Variants in ZNF407 observed in about 807,000 individuals in gnomAD.
ZNF407 encodes zinc finger protein 407.
Under a neutral mutation model 131.2 loss-of-function variants are expected in ZNF407, and 17 were observed. The ratio of observed to expected loss-of-function variants is 0.13; its 90% CI spans 0.09 to 0.19. The LOEUF (loss-of-function observed/expected upper bound fraction) is 0.19. Ranked by LOEUF, ZNF407 falls within the 10% of genes least tolerant of loss-of-function variation. The probability of loss-of-function intolerance (pLI) is 1.00; values close to 1 mark genes in which losing one functional copy is unlikely to be tolerated. For missense variants in ZNF407, 2,681 were observed against 2,830.6 expected (o/e 0.95, Z 1.20); for synonymous variants, 1,156 against 1,062.0 (o/e 1.09, Z -1.72).
chr18:74,632,754 A>C lies in ZNF407; in HGVS notation c.1735A>C (p.Asn579His), dbSNP rs777421915. ...RRDLDEHLHSNQHQQTASVLS... is the reference protein window; with the variant it reads ...RRDLDEHLHSHQHQQTASVLS... ...GGACTTAGATGAACATTTGCACAGT[A>C]ACCAGCATCAGCAAACTGCTTCTGT... Residue 579 changes from asparagine (N) to histidine (H), a missense_variant, in exon 2 of 9, where the codon AAC (asparagine) becomes CAC (histidine). By Grantham distance (68) the Asn-to-His change is moderately conservative. Transcript: ENST00000299687. 6 of 1,613,960 alleles carry C rather than the reference A, an allele frequency of 3.7e-6. No homozygotes were observed. The highest frequency in any genetic ancestry group is 5.1e-6 in the Non-Finnish European group (6 of 1,179,904).
chr18:75,019,314 C>T (rs772289759), intron 8 of ZNF407, among the ~76,000 whole-genome samples: 62 of 151,978 alleles, frequency 4.1e-4, no homozygotes, highest in African/African-American at 8.9e-4. Context: ...CAGCCAGGGA[C>T]GAGAAAGTGA....
At chr18:74,859,513 T>C (rs1970907678) in intron 4 of ZNF407, among the ~76,000 whole-genome samples, 1 of 152,190 alleles carries the variant, frequency 6.6e-6, no homozygotes, top group African/African-American at 2.4e-5. Context: ...TTTCATAAAA[T>C]CATTAATTTA....
chr18:74,715,888 C>T (rs750930922), intron 3 of ZNF407, among the ~76,000 whole-genome samples: 2 of 152,166 alleles, frequency 1.3e-5, no homozygotes, highest in Non-Finnish European at 2.9e-5. Context: ...TTTACATTTT[C>T]GTAATCCTGT....
In ZNF407 at chr18:74,641,067, A is replaced by C; in HGVS notation, c.4747A>C (p.Arg1583=). The stretch of plus-strand genomic sequence containing the variant: ...TGCAACAGCTCAGCTTGGAGATGCC[A>C]GAAACCATGTGAAAAGGCACCTTGG... ...HFATAQLGDA[R]NHVKRHLGMR... Residue 1583 remains arginine (R), a synonymous_variant, in exon 3 of 9, where the codon AGA becomes CGA. Coordinates refer to ENST00000299687, the MANE Select transcript of ZNF407 (RefSeq NM_017757.3). 6.2e-7 allele frequency: 1 copy of C among 1,613,468 alleles called. No homozygotes were observed. Among genetic ancestry groups the C allele is most frequent in the Non-Finnish European group, 8.5e-7 (1 of 1,179,480 alleles).
In ZNF407 at chr18:74,679,865, T is replaced by A. The variant is rs553553315; in HGVS notation, c.4802+38743T>A. Among the ~76,000 whole-genome samples, 63 of 152,368 alleles carry A rather than the reference T, an allele frequency of 4.1e-4. No homozygotes were observed. The South Asian group carries it at 6.6e-3, about 16-fold the overall frequency. On this transcript the variant is annotated intron_variant, in intron 3 of 8. Transcript: ENST00000299687. ...ATTGTATGTTTCAGATCATCAGTGG[T>A]TCTTCATGTGGCATGGCACTTGCCC...
Position 74,632,235 on chromosome 18 carries a change from C to T in ZNF407, c.1216C>T (p.His406Tyr). 6.2e-7 allele frequency: 1 copy of T among 1,613,968 alleles called. No individual in the cohort carries two copies. Among genetic ancestry groups the T allele is most frequent in the Non-Finnish European group, 8.5e-7 (1 of 1,179,884 alleles). ...ESTKNTLQAA[H>Y]GNSVTSRPRP... Reference sequence around the variant, plus strand: ...TACAAAAAATACCCTTCAGGCAGCACACGGTAACAGTGTAACCTCGAGGCC... The same window carrying T: ...TACAAAAAATACCCTTCAGGCAGCATACGGTAACAGTGTAACCTCGAGGCC... The change falls in exon 2 of 9, where the codon CAC (histidine) becomes TAC (tyrosine). Residue 406 changes from histidine (H) to tyrosine (Y), a missense_variant. His to Tyr is a moderately conservative substitution (Grantham distance 83). This residue lies in a region of ZNF407 where 1,789 missense variants were observed against 1,748.7 expected (regional missense o/e 1.02). Coordinates refer to ENST00000299687, the MANE Select transcript of ZNF407 (RefSeq NM_017757.3).
intron 7 of ZNF407, among the ~76,000 whole-genome samples, chr18:74,907,412 A>G (rs1213640142): frequency 6.6e-6 from 1 of 152,182 alleles, no homozygotes; most frequent in African/African-American, 2.4e-5. Context: ...ACTGGAGAAG[A>G]TCCAGCTCCT....
intron 8 of ZNF407, among the ~76,000 whole-genome samples, chr18:75,030,639 T>A (rs1335039740): frequency 6.6e-5 from 10 of 152,224 alleles, no homozygotes; most frequent in Admixed American, 6.5e-4. Context: ...GAGCAGTCTT[T>A]GCCCTCGGGC....
intron 3 of ZNF407, among the ~76,000 whole-genome samples, chr18:74,679,352 T>A (rs141241949): frequency 6.6e-6 from 1 of 152,322 alleles, no homozygotes; most frequent in South Asian, 2.1e-4. Flanking sequence ...ACTGGACTTG[T>A]CCAACATGAT....
intron 4 of ZNF407, among the ~76,000 whole-genome samples, chr18:74,849,469 C>A (rs997691070): frequency 6.6e-6 from 1 of 152,096 alleles, no homozygotes; most frequent in East Asian, 1.9e-4. Context: ...GTAAATGAGA[C>A]CACATCTGTA....
chr18:74,991,745 A>C (rs137900006), intron 8 of ZNF407, among the ~76,000 whole-genome samples: 1 of 152,172 alleles, frequency 6.6e-6, no homozygotes, highest in Non-Finnish European at 1.5e-5. Context: ...CCATCACTAC[A>C]TCACTTAATC....
chr18:74,968,136 G>T (rs960440580), intron 8 of ZNF407, among the ~76,000 whole-genome samples: 3 of 152,124 alleles, frequency 2.0e-5, no homozygotes, highest in Non-Finnish European at 4.4e-5. Context: ...AAAGGCTGGG[G>T]TGCTCCTTTT....
At chr18:74,975,296 A>G (rs1972516031) in intron 8 of ZNF407, among the ~76,000 whole-genome samples, 1 of 152,148 alleles carries the variant, frequency 6.6e-6, no homozygotes, top group Non-Finnish European at 1.5e-5. Context: ...AGTAGCCCAT[A>G]TGTTGTGGTT....
chr18:74,815,827 C>T (rs1970259902), intron 4 of ZNF407, among the ~76,000 whole-genome samples: 2 of 152,150 alleles, frequency 1.3e-5, no homozygotes. Context: ...TAGGTCCTTT[C>T]TACTTAATTG....
At chr18:74,817,981 C>T (rs1002707223) in intron 4 of ZNF407, among the ~76,000 whole-genome samples, 33 of 152,236 alleles carry the variant, frequency 2.2e-4, no homozygotes, top group African/African-American at 5.8e-4. Context: ...GATTTCAATT[C>T]GGCACTTTAT....
intron 4 of ZNF407, among the ~76,000 whole-genome samples, chr18:74,831,511 T>C (rs571233467): frequency 6.6e-5 from 10 of 152,226 alleles, no homozygotes; most frequent in Non-Finnish European, 1.3e-4. Flanking sequence ...TGCAGTCTTA[T>C]AGTATTTGTC....
chr18:74,777,961 A>G (rs1394910244), intron 3 of ZNF407, among the ~76,000 whole-genome samples: 1 of 152,170 alleles, frequency 6.6e-6, no homozygotes, highest in Non-Finnish European at 1.5e-5. Flanking sequence ...GCATGGCTTC[A>G]GTCCCAGCTA....
At chr18:74,731,813 TG>T (rs1462495421) in intron 3 of ZNF407, among the ~76,000 whole-genome samples, 1 of 152,106 alleles carries the variant, frequency 6.6e-6, no homozygotes, top group African/African-American at 2.4e-5. Flanking sequence ...GTCCATTCCT[TG>T]TCTCCATAAT....
At chr18:74,605,414 G>A (rs1010707531) in intron 1 of ZNF407, among the ~76,000 whole-genome samples, 3 of 152,184 alleles carry the variant, frequency 2.0e-5, no homozygotes, top group East Asian at 3.9e-4. Flanking sequence ...TTGGTGGAAT[G>A]TGGATAAGTC....
Sources: gnomAD v4.1 joint callset for allele counts (sites outside exome capture counted in the v4.1 genomes callset) on GRCh38, gnomAD v4.1.1 for gene constraint, gnomAD v4.1.1 regional missense constraint, MANE v1.5 for transcripts, NCBI Gene and HGNC (gene_info 2026-07-23, HGNC 2026-07-21) for gene names.